ASMTL: variants seen among roughly 807,000 people sequenced by gnomAD.
ASMTL encodes the protein acetylserotonin O-methyltransferase like, also known as probable bifunctional dTTP/UTP pyrophosphatase/methyltransferase protein.
In ASMTL, 57 loss-of-function variants were observed where a neutral mutation model predicts 60.3. That is an observed-to-expected ratio of 0.95 (90% CI 0.76 to 1.18). The LOEUF is 1.18. ASMTL is among the 50% of genes most tolerant of loss of function. The pLI is 0.00. For missense variants in ASMTL, 981 were observed against 852.6 expected (o/e 1.15, Z -1.88); for synonymous variants, 419 against 373.0 (o/e 1.12, Z -1.42).
chrX:1,433,206 G>A (rs1429019250), intron 5 of ASMTL, among the ~76,000 whole-genome samples: 1 of 152,102 alleles, frequency 6.6e-6, no homozygotes. Context: ...GAAAGCAGGC[G>A]TTTTGCTATG....
intron 9 of ASMTL, among the ~76,000 whole-genome samples, chrX:1,420,127 ATG>A (rs2090439455): frequency 1.4e-5 from 2 of 139,994 alleles, no homozygotes; most frequent in South Asian, 2.3e-4. Flanking sequence ...ATCTCCCTCT[ATG>A]TGTCTGTCTG....
intron 12 of ASMTL, among the ~76,000 whole-genome samples, chrX:1,404,572 G>C (rs1484801991): frequency 1.3e-5 from 2 of 151,218 alleles, no homozygotes; most frequent in African/African-American, 4.9e-5. Context: ...GCATGCATGA[G>C]ATGGATGGAT....
rs867089097 is a variant in ASMTL, at chrX:1,414,948, T to A, written c.1523-2094A>T. On this transcript the variant is annotated intron_variant, in intron 11 of 12. Transcript: ENST00000381317. ...GTCAGCTGTCTCTTTTTTTATTTTT[T>A]TATTTTTTTTGAGATGGAGTTTTGC... 4.3e-3 allele frequency among the ~76,000 whole-genome samples: 549 copies of A among 128,202 alleles called. 11 individuals carry two copies. Among genetic ancestry groups the A allele is most frequent in the African/African-American group, 0.015 (527 of 35,842 alleles). 84.1% of individuals were successfully genotyped at this position (128,202 alleles called of 152,430 possible). A position where few individuals can be genotyped will look rare whatever the true frequency, so the allele number is the denominator to read the frequency against.
chrX:1,440,062 C>T (rs1353099462), intron 2 of ASMTL, among the ~76,000 whole-genome samples: 1 of 151,158 alleles, frequency 6.6e-6, no homozygotes, highest in Non-Finnish European at 1.5e-5. Flanking sequence ...CTCACAACAG[C>T]CTTACCTCTA....
At chrX:1,452,930 A>G, upstream of ASMTL, 1 of 1,072,384 alleles carries the variant, frequency 9.3e-7, no homozygotes, top group Non-Finnish European at 1.3e-6. Flanking sequence ...AGGCGGCCAG[A>G]GTCCCGCCTC....
intron 9 of ASMTL, 58 bp downstream of exon 9, chrX:1,421,598 CAA>C: frequency 2.5e-6 from 4 of 1,582,142 alleles, no homozygotes; most frequent in South Asian, 1.1e-5. Context: ...ATCTGTGTGT[CAA>C]AGTGTTTTAG....
At chrX:1,423,594 AGTC>A (rs2090532973) in intron 8 of ASMTL, among the ~76,000 whole-genome samples, 1 of 150,508 alleles carries the variant, frequency 6.6e-6, no homozygotes, top group Non-Finnish European at 1.5e-5. Flanking sequence ...CCACCCATCT[AGTC>A]ATCCACCCAC....
intron 7 of ASMTL, among the ~76,000 whole-genome samples, chrX:1,426,405 C>T (rs1198116472): frequency 6.6e-6 from 1 of 152,098 alleles, no homozygotes; most frequent in Non-Finnish European, 1.5e-5. Context: ...GTCATCAGCC[C>T]GTCTCCCTGT....
At position 1,424,356 on chromosome X, in the gene ASMTL, A is replaced by G. The variant is rs190479329; in HGVS notation, c.1060+1169T>C. Among the ~76,000 whole-genome samples the G allele has an allele frequency of 3.2e-4, 16 of 49,250 alleles. No homozygotes were observed. In the East Asian group the frequency reaches 0.012, roughly 36 times the overall value. The allele number at this position is 49,250 out of a possible 152,430, so 32.3% of individuals were successfully genotyped here. On this transcript the variant is annotated intron_variant, in intron 8 of 12. Coordinates refer to ENST00000381317, the MANE Select transcript of ASMTL (RefSeq NM_004192.4). ...GCTACCCAACCACCGATCCACTGAT[A>G]TATCTGTTCATCCACCCTCCCATCC...
chrX:1,421,519 C>G, intron 9 of ASMTL, 139 bp downstream of exon 9: 2 of 901,134 alleles, frequency 2.2e-6, no homozygotes, highest in Non-Finnish European at 1.7e-6. Flanking sequence ...GCACTAAGTT[C>G]TCCAGGCAGA....
chrX:1,420,335 CTCTG>C (rs1308667740), intron 9 of ASMTL, among the ~76,000 whole-genome samples: 4 of 151,968 alleles, frequency 2.6e-5, no homozygotes, highest in East Asian at 1.9e-4. Flanking sequence ...CTGCCTCCAT[CTCTG>C]TCTGTCTCTG....
Position 1,417,830 on chromosome X carries a change from G to A in ASMTL, c.1522+143C>T, listed in dbSNP as rs753570516. ...AGAGAGACACACACACACAAGCACCGTAGACAGTCCCATTTGCACACACAT... is the reference window on the plus strand; with the variant it reads ...AGAGAGACACACACACACAAGCACCATAGACAGTCCCATTTGCACACACAT... On this transcript the variant is annotated intron_variant, in intron 11 of 12. Coordinates refer to ENST00000381317, the MANE Select transcript of ASMTL (RefSeq NM_004192.4). The A allele has an allele frequency of 7.6e-5, 80 of 1,046,010 alleles. 1 individual carries two copies. The highest frequency in any genetic ancestry group is 3.6e-4 in the South Asian group (20 of 55,996). The allele number at this position is 1,046,010 out of a possible 1,614,324, so 64.8% of individuals were successfully genotyped here. A position where few individuals can be genotyped will look rare whatever the true frequency, so the allele number is the denominator to read the frequency against.
intron 5 of ASMTL, 85 bp from the exon 6 acceptor site, chrX:1,432,462 G>C (rs2090822688): frequency 1.0e-6 from 1 of 970,500 alleles, no homozygotes; most frequent in Admixed American, 1.9e-5. Flanking sequence ...TGCTGTGGAG[G>C]TGTGTACTCG....
At chrX:1,418,861 G>C in intron 10 of ASMTL, 121 bp downstream of exon 10, 1 of 1,288,190 alleles carries the variant, frequency 7.8e-7, no homozygotes, top group Non-Finnish European at 1.1e-6. Context: ...AGCCTGGCCC[G>C]GTTCAGGTCG....
Position 1,403,489 on chromosome X carries a change from CCT to C in ASMTL, c.1646-2_1646-1del, listed in dbSNP as rs762001890. 251 of 1,612,702 alleles carry C rather than the reference CCT, an allele frequency of 1.6e-4. 3 individuals carry two copies. In the South Asian group the frequency reaches 1.9e-3, roughly 12 times the overall value. On this transcript the variant is annotated splice_acceptor_variant, in intron 12 of 12. Coordinates refer to ENST00000381317, the MANE Select transcript of ASMTL (RefSeq NM_004192.4). LOFTEE classifies it high-confidence loss of function. The stretch of plus-strand genomic sequence containing the variant: ...CGTCTCCACCAGCAGCAGGCCGGCC[CCT>C]GAGGGAGACAGCAGAGAGCTGGAGT...
intron 4 of ASMTL, chrX:1,435,296 G>T: frequency 1.6e-6 from 1 of 643,086 alleles, no homozygotes; most frequent in South Asian, 1.9e-5. Flanking sequence ...CAGTGGCCCT[G>T]ACGGGAGGCG....
upstream of ASMTL, among the ~76,000 whole-genome samples, chrX:1,453,412 C>T (rs2091445218): frequency 6.6e-6 from 1 of 151,908 alleles, no homozygotes; most frequent in South Asian, 2.1e-4. Context: ...CCTCCCGGGC[C>T]CCGTCCCCGC....
Position 1,452,897 on chromosome X carries a change from C to A in ASMTL, c.-57G>T. On this transcript the variant is annotated 5_prime_UTR_variant, in exon 1 of 13. Transcript: ENST00000381317. ...TTCTGAGCCCGGAGCCCGCGGTGCGCGCAGCGCGGCTGCAAAAAAAACAGG... is the reference window on the plus strand; with the variant it reads ...TTCTGAGCCCGGAGCCCGCGGTGCGAGCAGCGCGGCTGCAAAAAAAACAGG... 3 of 1,342,404 alleles carry A rather than the reference C, an allele frequency of 2.2e-6. No individual in the cohort carries two copies. Among genetic ancestry groups the A allele is most frequent in the Non-Finnish European group, 3.0e-6 (3 of 1,007,376 alleles). 83.2% of individuals were successfully genotyped at this position (1,342,404 alleles called of 1,614,324 possible).
intron 1 of ASMTL, among the ~76,000 whole-genome samples, chrX:1,446,373 G>A (rs1168962174): frequency 2.0e-5 from 3 of 152,146 alleles, no homozygotes; most frequent in African/African-American, 7.2e-5. Context: ...TGGTGGTAGT[G>A]GTCCCCCGGG....
Sources: allele counts gnomAD v4.1 joint callset (sites outside exome capture counted in the v4.1 genomes callset), GRCh38; gene constraint gnomAD v4.1.1; transcripts MANE v1.5; gene names NCBI Gene and HGNC (gene_info 2026-07-23, HGNC 2026-07-21).